EVI5: variants seen among roughly 807,000 people sequenced by gnomAD.
The protein encoded by EVI5 is ecotropic viral integration site 5.
In EVI5, 73 loss-of-function variants were observed where a neutral mutation model predicts 112.0. The ratio of observed to expected loss-of-function variants is 0.65; its 90% CI spans 0.54 to 0.79. The LOEUF (loss-of-function observed/expected upper bound fraction) is 0.79, where lower values mean the gene tolerates loss of function less well. Among genes scored for constraint, EVI5 ranks in the 30% least tolerant of loss-of-function variants. The pLI, the probability that EVI5 is intolerant of heterozygous loss-of-function variation, is 0.00. For missense variants in EVI5, 900 were observed against 968.8 expected, an observed-to-expected ratio of 0.93 and a Z score of 0.94; for synonymous variants, 305 against 319.9, an observed-to-expected ratio of 0.95 and a Z score of 0.50.
In EVI5 at chr1:92,710,062, G is replaced by A. The variant is rs1672603421; in HGVS notation, c.150-5318C>T. The stretch of plus-strand genomic sequence containing the variant: ...TCCTCCCAGATCACATGGGTGCACT[G>A]CCTTACATGGATTTATTGCAAAGCA... On this transcript the variant is annotated intron_variant, in intron 2 of 19. Transcript: ENST00000684568. Among the ~76,000 whole-genome samples, 4 of 109,760 alleles carry A rather than the reference G, an allele frequency of 3.6e-5. No individual in the cohort carries two copies. In the South Asian group the frequency reaches 1.0e-3, roughly 28 times the overall value. 72.0% of individuals were successfully genotyped at this position (109,760 alleles called of 152,430 possible).
At chr1:92,733,540 G>C (rs1224050458) in intron 2 of EVI5, among the ~76,000 whole-genome samples, 1 of 151,388 alleles carries the variant, frequency 6.6e-6, no homozygotes, top group African/African-American at 2.4e-5. Flanking sequence ...CGAGTAGCTG[G>C]AACTACAGGC....
intron 13 of EVI5, among the ~76,000 whole-genome samples, chr1:92,660,996 C>T (rs2102158291): frequency 6.6e-6 from 1 of 151,230 alleles, no homozygotes; most frequent in African/African-American, 2.4e-5. Context: ...AAGGTCTAGC[C>T]CTATTTAATC....
rs1305311315 is a variant in EVI5, at chr1:92,758,985, C to G, written c.-81-22358G>C. ...GGGCGCAGTGGCTCATGCCTGCAAT[C>G]CCAACACTTTGGGAGGCCCAAGCAG... On this transcript the variant is annotated intron_variant, in intron 1 of 19. Transcript: ENST00000684568. Among the ~76,000 whole-genome samples, 3 of 152,198 alleles carry G rather than the reference C, an allele frequency of 2.0e-5. No homozygotes were observed. In the East Asian group the frequency reaches 5.8e-4, roughly 29 times the overall value.
chr1:92,551,040 C>CTTTCTTT (rs1666836562), intron 19 of EVI5, among the ~76,000 whole-genome samples: 3 of 80,726 alleles, frequency 3.7e-5, no homozygotes, highest in South Asian at 5.1e-4. Flanking sequence ...TTCTTTCTTT[C>CTTTCTTT]TTTTTTTTTT....
At chr1:92,785,259 C>G (rs947786777), upstream of EVI5, among the ~76,000 whole-genome samples, 1 of 152,330 alleles carries the variant, frequency 6.6e-6, no homozygotes, top group South Asian at 2.1e-4. Context: ...ATCGCTCTCG[C>G]CCTCCGCCTC....
chr1:92,551,718 T>C (rs778515181), intron 19 of EVI5, among the ~76,000 whole-genome samples: 22 of 152,178 alleles, frequency 1.4e-4, no homozygotes, highest in Admixed American at 3.9e-4. Context: ...GGTCTCTTCC[T>C]GGGAATGCTA....
intron 13 of EVI5, among the ~76,000 whole-genome samples, chr1:92,651,115 G>A (rs1662006467): frequency 6.6e-6 from 1 of 152,160 alleles, no homozygotes; most frequent in East Asian, 1.9e-4. Context: ...TCACGTAACA[G>A]CAGTCTTCGT....
chr1:92,594,529 C>T (rs1329751255), intron 18 of EVI5, among the ~76,000 whole-genome samples: 2 of 150,484 alleles, frequency 1.3e-5, no homozygotes, highest in African/African-American at 2.5e-5. Context: ...GTCTAAAACA[C>T]CAAAAGCAAT....
chr1:92,624,112 T>C lies in EVI5; in HGVS notation c.1827+64A>G, dbSNP rs531507756. The C allele has an allele frequency of 2.7e-5, 37 of 1,364,158 alleles. No homozygotes were observed. The East Asian group carries it at 8.5e-4, about 31-fold the overall frequency. 84.5% of individuals were successfully genotyped at this position (1,364,158 alleles called of 1,614,324 possible). Reference sequence around the variant, plus strand: ...TATCTCTGTTCTAGGGATGATACAATCTGTGCACAAACCCTTGATCAGCTA... The same window carrying C: ...TATCTCTGTTCTAGGGATGATACAACCTGTGCACAAACCCTTGATCAGCTA... On this transcript the variant is annotated intron_variant, in intron 16 of 19. Transcript: ENST00000684568.
At chr1:92,518,168 G>A (rs950243909) in intron 19 of EVI5, among the ~76,000 whole-genome samples, 2 of 152,106 alleles carry the variant, frequency 1.3e-5, no homozygotes, top group Non-Finnish European at 2.9e-5. Flanking sequence ...AAAGTGCTGG[G>A]ATTACAGGTG....
intron 1 of EVI5, among the ~76,000 whole-genome samples, chr1:92,767,436 G>A (rs1381743551): frequency 6.6e-6 from 1 of 152,186 alleles, no homozygotes; most frequent in Non-Finnish European, 1.5e-5. Flanking sequence ...ACAGTTTCAG[G>A]TATCACTAGT....
intron 1 of EVI5, among the ~76,000 whole-genome samples, chr1:92,765,335 G>T (rs145286063): frequency 6.7e-5 from 10 of 149,408 alleles, no homozygotes; most frequent in Non-Finnish European, 1.5e-4. Flanking sequence ...GATTATGGGC[G>T]TGAGCCACCA....
chr1:92,663,350 C>A, intron 12 of EVI5, 70 bp downstream of exon 12: 1 of 698,318 alleles, frequency 1.4e-6, no homozygotes, highest in South Asian at 2.6e-5. Context: ...ATATGAATTT[C>A]GAGGTTTAGG....
At chr1:92,764,048 T>C (rs1310610869) in intron 1 of EVI5, among the ~76,000 whole-genome samples, 1 of 152,166 alleles carries the variant, frequency 6.6e-6, no homozygotes, top group East Asian at 1.9e-4. Context: ...AAATATAAAA[T>C]GTCAGGTTTG....
intron 19 of EVI5, among the ~76,000 whole-genome samples, chr1:92,514,976 G>A (rs554749796): frequency 6.6e-6 from 1 of 152,312 alleles, no homozygotes; most frequent in East Asian, 1.9e-4. Flanking sequence ...TCCCACTCAT[G>A]AGGTTTCCTT....
intron 1 of EVI5, among the ~76,000 whole-genome samples, chr1:92,791,652 C>T (rs941739983): frequency 5.3e-5 from 8 of 151,608 alleles, no homozygotes; most frequent in Admixed American, 3.9e-4. Flanking sequence ...ATCATAGATG[C>T]GACGTGAGAT....
intron 2 of EVI5, among the ~76,000 whole-genome samples, chr1:92,722,672 A>T (rs1349027574): frequency 1.3e-5 from 2 of 152,136 alleles, no homozygotes; most frequent in East Asian, 1.9e-4. Context: ...GCCCTCACAC[A>T]ACCTAACACT....
At chr1:92,546,039 G>T (rs868592731) in intron 19 of EVI5, among the ~76,000 whole-genome samples, 3 of 151,962 alleles carry the variant, frequency 2.0e-5, no homozygotes, top group African/African-American at 7.3e-5. Context: ...CTGCCCACAC[G>T]AACTGCTTTT....
At chr1:92,703,704 G>T in intron 3 of EVI5, 85 bp from the exon 4 acceptor site, 3 of 767,266 alleles carry the variant, frequency 3.9e-6, no homozygotes, top group Middle Eastern at 7.1e-4. Flanking sequence ...GGGTTGGAAT[G>T]AAGTAGAAGA....
Sources: allele counts gnomAD v4.1 joint callset (sites outside exome capture counted in the v4.1 genomes callset), GRCh38; gene constraint gnomAD v4.1.1; transcripts MANE v1.5; gene names NCBI Gene and HGNC (gene_info 2026-07-23, HGNC 2026-07-21).